Variants in GLIS3 observed in about 807,000 individuals in gnomAD.
GLIS3 encodes GLIS family zinc finger 3.
A neutral mutation model predicts 78.6 loss-of-function variants in GLIS3; 53 were observed. The observed-to-expected ratio is 0.67, with a 90% confidence interval of 0.54 to 0.85. The LOEUF (loss-of-function observed/expected upper bound fraction) is 0.85. GLIS3 is among the 40% of genes least tolerant of loss of function. The probability of loss-of-function intolerance (pLI) is 0.00; values close to 1 mark genes in which losing one functional copy is unlikely to be tolerated. For synonymous variants in GLIS3, 684 were observed against 509.9 expected, an observed-to-expected ratio of 1.34 and a Z score of -4.60; for missense variants, 1,703 against 1,231.1, an observed-to-expected ratio of 1.38 and a Z score of -5.74.
chr9:4,055,350 A>C (rs1384631831), intron 4 of GLIS3, among the ~76,000 whole-genome samples: 2 of 152,152 alleles, frequency 1.3e-5, no homozygotes, highest in African/African-American at 2.4e-5. Context: ...GCCTCCGTCC[A>C]TCCCTGTTCC....
At chr9:3,959,024 A>G (rs2130874405) in intron 4 of GLIS3, among the ~76,000 whole-genome samples, 1 of 152,334 alleles carries the variant, frequency 6.6e-6, no homozygotes, top group South Asian at 2.1e-4. Flanking sequence ...CTTTGTTTTC[A>G]GTAGGCACTC....
At chr9:4,361,429 T>A in the GLIS3 span, among the ~76,000 whole-genome samples, 1 of 152,228 alleles carries the variant, frequency 6.6e-6, no homozygotes, top group East Asian at 1.9e-4. Context: ...GCTGTTCCCT[T>A]TCCTGTGGAA....
At chr9:4,144,217 A>T (rs1356337925) in intron 2 of GLIS3, among the ~76,000 whole-genome samples, 2 of 151,830 alleles carry the variant, frequency 1.3e-5, no homozygotes, top group Non-Finnish European at 1.5e-5. Flanking sequence ...CAAAGGAGGA[A>T]AGAATAGAGT....
intron 2 of GLIS3, among the ~76,000 whole-genome samples, chr9:4,324,003 G>C (rs1169539007): frequency 6.6e-6 from 1 of 152,108 alleles, no homozygotes; most frequent in Non-Finnish European, 1.5e-5. Flanking sequence ...TATTAGGTCT[G>C]TTTCTGGTCT....
chr9:4,219,427 T>C (rs528164733), intron 2 of GLIS3, among the ~76,000 whole-genome samples: 2 of 152,316 alleles, frequency 1.3e-5, no homozygotes, highest in Non-Finnish European at 2.9e-5. Flanking sequence ...ACAAATTATA[T>C]CCATTTAACT....
At chr9:4,220,008 A>C (rs1280866366) in intron 2 of GLIS3, among the ~76,000 whole-genome samples, 1 of 152,236 alleles carries the variant, frequency 6.6e-6, no homozygotes, top group Non-Finnish European at 1.5e-5. Context: ...TGAGCTCAGA[A>C]AATCTTTTTG....
At chr9:4,080,751 T>C (rs1004535858) in intron 4 of GLIS3, among the ~76,000 whole-genome samples, 30 of 152,218 alleles carry the variant, frequency 2.0e-4, no homozygotes, top group African/African-American at 6.5e-4. Flanking sequence ...AAGAGAGAAG[T>C]CTAGGGGCAT....
intron 4 of GLIS3, among the ~76,000 whole-genome samples, chr9:4,045,808 C>G (rs1458853169): frequency 1.3e-5 from 2 of 152,220 alleles, no homozygotes; most frequent in Admixed American, 6.5e-5. Flanking sequence ...ACTAATGTTC[C>G]GCCCCGTCAG....
chr9:3,947,962 C>G (rs573311462), intron 4 of GLIS3, among the ~76,000 whole-genome samples: 95 of 152,294 alleles, frequency 6.2e-4, no homozygotes, highest in South Asian at 1.2e-3. Context: ...CTGTGACTGG[C>G]TGCCTAAAAA....
chr9:4,426,860 C>G, the GLIS3 span, among the ~76,000 whole-genome samples: 2 of 152,332 alleles, frequency 1.3e-5, no homozygotes, highest in South Asian at 2.1e-4. Context: ...AAGTAAAAGT[C>G]TTAGCACAGT....
chr9:4,257,597 G>A (rs988082029), intron 2 of GLIS3, among the ~76,000 whole-genome samples: 9 of 151,734 alleles, frequency 5.9e-5, no homozygotes, highest in African/African-American at 1.7e-4. Context: ...TTTTTGAGAC[G>A]GAGTCTCGCT....
Position 4,279,348 on chromosome 9 carries a change from C to CACACAG in GLIS3, c.388+6689_388+6690insCTGTGT, listed in dbSNP as rs1554646493. Among the ~76,000 whole-genome samples the CACACAG allele has an allele frequency of 1.1e-4, 7 of 64,860 alleles. 1 individual carries two copies. Among genetic ancestry groups the CACACAG allele is most frequent in the African/African-American group, 2.8e-4 (6 of 21,160 alleles). 42.6% of individuals were successfully genotyped at this position (64,860 alleles called of 152,430 possible). A position where few individuals can be genotyped will look rare whatever the true frequency, so the allele number is the denominator to read the frequency against. On this transcript the variant is annotated intron_variant, in intron 2 of 10. Coordinates refer to ENST00000381971, the MANE Select transcript of GLIS3 (RefSeq NM_001042413.2). ...ATACACACACACACACACACACACA[C>CACACAG]ACACACACACACACATAATACATAT... is the stretch of plus-strand genomic sequence containing the variant.
At chr9:4,151,490 A>G (rs1176918562) in intron 2 of GLIS3, among the ~76,000 whole-genome samples, 3 of 152,230 alleles carry the variant, frequency 2.0e-5, no homozygotes, top group African/African-American at 7.2e-5. Flanking sequence ...AAAGGGGGAA[A>G]GTCTAATTTA....
chr9:4,394,097 A>G, the GLIS3 span, among the ~76,000 whole-genome samples: 1 of 152,132 alleles, frequency 6.6e-6, no homozygotes, highest in East Asian at 1.9e-4. Context: ...AAGAAAAAGA[A>G]AAAAGAGTTT....
At chr9:4,452,300 A>C in the GLIS3 span, among the ~76,000 whole-genome samples, 7 of 152,292 alleles carry the variant, frequency 4.6e-5, no homozygotes, top group East Asian at 1.3e-3. Flanking sequence ...CTTATTCAAC[A>C]TAGTATTGGA....
chr9:4,118,457 G>C lies in GLIS3; in HGVS notation c.1021C>G (p.Leu341Val), dbSNP rs1187543120. 1 of 1,613,600 alleles carries C rather than the reference G, an allele frequency of 6.2e-7. No individual in the cohort carries two copies. Among genetic ancestry groups the C allele is most frequent in the African/African-American group, 1.3e-5 (1 of 75,076 alleles). The part of the protein sequence containing the change: ...INGSRASPAN[L>V]SPQPEVYGHF... The stretch of plus-strand genomic sequence containing the variant: ...CCGTAGACCTCCGGCTGCGGGGACA[G>C]GTTGGCCGGCGAAGCCCTCGACCCG... The change falls in exon 4 of 11, where the codon CTG becomes GTG. Residue 341 changes from leucine (L) to valine (V), a missense_variant. Coordinates refer to ENST00000381971, the MANE Select transcript of GLIS3 (RefSeq NM_001042413.2). The surrounding 1 kb of genome is among the most constrained non-coding windows in gnomAD (Gnocchi z 4.7).
At chr9:4,021,386 T>C (rs559433) in intron 4 of GLIS3, among the ~76,000 whole-genome samples, 2,991 of 152,306 alleles carry the variant, frequency 0.02, 105 homozygotes, top group African/African-American at 0.068. Flanking sequence ...CCTATCCTAA[T>C]CAAACTTAGC....
chr9:4,273,008 T>C lies in GLIS3; in HGVS notation c.388+13030A>G, dbSNP rs569332479. Among the ~76,000 whole-genome samples, 8 of 152,350 alleles carry C rather than the reference T, an allele frequency of 5.3e-5. No homozygotes were observed. In the East Asian group the frequency reaches 1.2e-3, roughly 22 times the overall value. ...ATACTTTATTTCACCTCAGTGCATG[T>C]GTATTGTGGTTTACATTTGTTCTCT... is the stretch of plus-strand genomic sequence containing the variant. On this transcript the variant is annotated intron_variant, in intron 2 of 10. Transcript: ENST00000381971.
At chr9:4,238,257 T>C (rs934782369) in intron 2 of GLIS3, among the ~76,000 whole-genome samples, 1 of 151,290 alleles carries the variant, frequency 6.6e-6, no homozygotes, top group African/African-American at 2.5e-5. Context: ...GGTGATCTCT[T>C]AATAGAACTC....
Sources: allele counts gnomAD v4.1 joint callset (sites outside exome capture counted in the v4.1 genomes callset), GRCh38; gene constraint gnomAD v4.1.1; non-coding constraint Gnocchi (gnomAD v3.1); transcripts MANE v1.5; gene names NCBI Gene and HGNC (gene_info 2026-07-23, HGNC 2026-07-21).